TENM4: variants seen among roughly 807,000 people sequenced by gnomAD.
TENM4 encodes the protein teneurin-4.
Under a neutral mutation model 243.3 loss-of-function variants are expected in TENM4, and 82 were observed. The ratio of observed to expected loss-of-function variants is 0.34; its 90% CI spans 0.28 to 0.40. The LOEUF (loss-of-function observed/expected upper bound fraction) is 0.40. Among genes scored for constraint, TENM4 ranks in the 10% least tolerant of loss-of-function variants. The pLI is 1.00. For synonymous variants in TENM4, 1,412 were observed against 1,456.3 expected (o/e 0.97, Z 0.69); for missense variants, 3,138 against 3,673.3 (o/e 0.85, Z 3.77).
intron 23 of TENM4, 127 bp downstream of exon 23, chr11:78,725,952 C>G (rs1434135271): frequency 7.8e-7 from 1 of 1,288,114 alleles, no homozygotes; most frequent in East Asian, 2.3e-5. Flanking sequence ...TATCTGTTGA[C>G]TGAGCTCTCT....
rs1429387031 is a variant in TENM4 at position 79,440,288 on chromosome 11, G to A, written c.-321+221C>T. 6.6e-6 allele frequency among the ~76,000 whole-genome samples: 1 copy of A among 151,784 alleles called. No individual in the cohort carries two copies. The highest frequency in any genetic ancestry group is 1.5e-5 in the Non-Finnish European group (1 of 67,902). On this transcript the variant is annotated intron_variant, in intron 1 of 33. Coordinates refer to ENST00000278550, the MANE Select transcript of TENM4 (RefSeq NM_001098816.3). This position sits in a 1 kb window ranked among gnomAD's most constrained non-coding sequence, Gnocchi z 4.7. ...GTCCGCGGCGGGCTCCGGGGGCTGC[G>A]GCGGCTCCAGGCTCCAGAACAGCTT...
chr11:78,953,673 A>G (rs1038147116), intron 6 of TENM4, among the ~76,000 whole-genome samples: 7 of 152,248 alleles, frequency 4.6e-5, no homozygotes, highest in Admixed American at 1.3e-4. Context: ...GTTAAGTATT[A>G]TAAGTAATAT....
At chr11:79,422,517 C>T (rs1039624080) in intron 1 of TENM4, among the ~76,000 whole-genome samples, 8 of 152,014 alleles carry the variant, frequency 5.3e-5, no homozygotes, top group African/African-American at 1.9e-4. Context: ...GAATGTCATT[C>T]CCCAAAAAAA....
intron 20 of TENM4, among the ~76,000 whole-genome samples, chr11:78,737,860 A>G (rs571785779): frequency 1.3e-5 from 2 of 152,358 alleles, no homozygotes; most frequent in Admixed American, 6.5e-5. Context: ...GTGCTTCCCC[A>G]TTCACCATAT....
intron 6 of TENM4, among the ~76,000 whole-genome samples, chr11:78,969,543 A>G (rs1857499994): frequency 6.6e-6 from 1 of 152,244 alleles, no homozygotes; most frequent in African/African-American, 2.4e-5. Context: ...TGTCAAAAAG[A>G]AAGACCATTA....
At chr11:79,306,673 T>C (rs1590867304) in intron 1 of TENM4, among the ~76,000 whole-genome samples, 1 of 152,230 alleles carries the variant, frequency 6.6e-6, no homozygotes, top group South Asian at 2.1e-4. Flanking sequence ...GAACTCTACA[T>C]GCACACATTT....
intron 3 of TENM4, among the ~76,000 whole-genome samples, chr11:79,174,609 G>C (rs1399080233): frequency 6.6e-6 from 1 of 152,166 alleles, no homozygotes; most frequent in African/African-American, 2.4e-5. Flanking sequence ...TTGCAGCTGG[G>C]TTCAGCCAAT....
At chr11:79,422,907 T>A (rs571369865) in intron 1 of TENM4, among the ~76,000 whole-genome samples, 1 of 152,308 alleles carries the variant, frequency 6.6e-6, no homozygotes, top group East Asian at 1.9e-4. Context: ...AAAACAGCCT[T>A]CTGATAGGCC....
At chr11:79,225,758 C>G (rs1392172195) in intron 2 of TENM4, among the ~76,000 whole-genome samples, 1 of 152,186 alleles carries the variant, frequency 6.6e-6, no homozygotes, top group African/African-American at 2.4e-5. Context: ...GCTAGGATTA[C>G]AGGCGTGAGC....
intron 2 of TENM4, among the ~76,000 whole-genome samples, chr11:79,225,861 T>A (rs896495563): frequency 6.6e-6 from 1 of 152,172 alleles, no homozygotes; most frequent in Non-Finnish European, 1.5e-5. Context: ...AACATTTTTA[T>A]AATATTTAAT....
intron 27 of TENM4, among the ~76,000 whole-genome samples, chr11:78,707,266 T>C (rs1033141900): frequency 2.6e-5 from 4 of 152,232 alleles, no homozygotes; most frequent in African/African-American, 4.8e-5. Context: ...GTTGGCAAGA[T>C]TCAGCACAGG....
chr11:78,963,242 C>T (rs7927144), intron 6 of TENM4, among the ~76,000 whole-genome samples: 2,677 of 152,312 alleles, frequency 0.018, 72 homozygotes, highest in African/African-American at 0.053. Context: ...TATCATGCCA[C>T]GGTTCTAAAA....
At chr11:79,098,863 G>T in intron 4 of TENM4, among the ~76,000 whole-genome samples, 1 of 152,082 alleles carries the variant, frequency 6.6e-6, no homozygotes, top group African/African-American at 2.4e-5. Context: ...GACCTGAATT[G>T]GAATCCCAGC....
At position 78,657,287 on chromosome 11, in the gene TENM4, G is replaced by A. The variant is rs912487382; in HGVS notation, c.*771C>T. 4.3e-5 allele frequency: 17 copies of A among 398,154 alleles called. No homozygotes were observed. Among genetic ancestry groups the A allele is most frequent in the Non-Finnish European group, 6.6e-5 (15 of 226,240 alleles). 24.7% of individuals were successfully genotyped at this position (398,154 alleles called of 1,614,324 possible). A position where few individuals can be genotyped will look rare whatever the true frequency, so the allele number is the denominator to read the frequency against. On this transcript the variant is annotated 3_prime_UTR_variant, in exon 34 of 34. Coordinates refer to ENST00000278550, the MANE Select transcript of TENM4 (RefSeq NM_001098816.3). ...TCTGAGCCCAGGATGTTATGTCACT[G>A]GTCTGGGGGAAAGGACCTGGGAGAC... is the stretch of plus-strand genomic sequence containing the variant.
At chr11:79,384,572 G>A (rs1284575163) in intron 1 of TENM4, among the ~76,000 whole-genome samples, 1 of 152,120 alleles carries the variant, frequency 6.6e-6, no homozygotes, top group East Asian at 1.9e-4. Flanking sequence ...TCTTCCTTCT[G>A]ACTCTCGGAT....
intron 1 of TENM4, among the ~76,000 whole-genome samples, chr11:79,405,368 C>T (rs886878065): frequency 1.3e-5 from 2 of 150,776 alleles, no homozygotes; most frequent in African/African-American, 4.9e-5. Context: ...CAAGGTCTCA[C>T]ATTAGTCAAG....
In TENM4 at chr11:78,985,099, C is replaced by T. The variant is rs563468384; in HGVS notation, c.493+79639G>A. 4.6e-5 allele frequency among the ~76,000 whole-genome samples: 7 copies of T among 152,280 alleles called. No homozygotes were observed. In the East Asian group the frequency reaches 1.2e-3, roughly 25 times the overall value. On this transcript the variant is annotated intron_variant, in intron 6 of 33. Coordinates refer to ENST00000278550, the MANE Select transcript of TENM4 (RefSeq NM_001098816.3). ...ATGGGGATAAAAATGGTATCTGCCT[C>T]ACAAGGCTGTTTGTGAGAATTAAAT...
At chr11:79,028,344 TC>T (rs1309838425) in intron 6 of TENM4, among the ~76,000 whole-genome samples, 1 of 152,198 alleles carries the variant, frequency 6.6e-6, no homozygotes, top group Non-Finnish European at 1.5e-5. Flanking sequence ...GGAAATAAAC[TC>T]TGAAATGGAG....
intron 6 of TENM4, among the ~76,000 whole-genome samples, chr11:78,934,020 G>A (rs573846101): frequency 1.3e-5 from 2 of 152,242 alleles, no homozygotes; most frequent in African/African-American, 2.4e-5. Context: ...TAGAGATACT[G>A]TTAGGAATTT....
Sources: gnomAD v4.1 joint callset for allele counts (sites outside exome capture counted in the v4.1 genomes callset) on GRCh38, gnomAD v4.1.1 for gene constraint, Gnocchi (gnomAD v3.1) non-coding constraint, MANE v1.5 for transcripts, NCBI Gene and HGNC (gene_info 2026-07-23, HGNC 2026-07-21) for gene names.